The following WEE1 variants were observed in gnomAD, a reference collection of about 807,000 sequenced individuals.
WEE1 encodes the protein WEE1 G2 checkpoint kinase, also known as wee1-like protein kinase.
In WEE1, 16 loss-of-function variants were observed where a neutral mutation model predicts 68.8. The observed-to-expected ratio is 0.23, with a 90% CI of 0.16 to 0.35. The LOEUF is 0.35. WEE1 is among the 10% of genes least tolerant of loss of function. WEE1 has a pLI of 1.00. For synonymous variants in WEE1, 349 were observed against 318.7 expected, an observed-to-expected ratio of 1.09 and a Z score of -1.01; for missense variants, 651 against 824.1, an observed-to-expected ratio of 0.79 and a Z score of 2.57.
chr11:9,588,692 C>T lies in WEE1; in HGVS notation c.*90C>T, dbSNP rs553359817. On this transcript the variant is annotated 3_prime_UTR_variant, in exon 11 of 11. Transcript: ENST00000450114. ...AGAATCCAGTTTGCAATTACTTTCT[C>T]GATTGGTGTCAGTAGTTTTACTGAT... 1,408 of 1,394,470 alleles carry T rather than the reference C, an allele frequency of 1.0e-3. 1 individual carries two copies. Among genetic ancestry groups the T allele is most frequent in the Non-Finnish European group, 1.2e-3 (1,315 of 1,073,602 alleles). 86.4% of individuals were successfully genotyped at this position (1,394,470 alleles called of 1,614,324 possible).
At position 9,576,724 on chromosome 11, in the gene WEE1, C is replaced by T; in HGVS notation, c.1019+65C>T. The T allele has an allele frequency of 2.0e-6, 3 of 1,505,580 alleles. No individual in the cohort carries two copies. Among genetic ancestry groups the T allele is most frequent in the Non-Finnish European group, 2.7e-6 (3 of 1,119,450 alleles). The allele number at this position is 1,505,580 out of a possible 1,614,324, so 93.3% of individuals were successfully genotyped here. A position where few individuals can be genotyped will look rare whatever the true frequency, so the allele number is the denominator to read the frequency against. ...TATGGTGTTACTAACATTAAGGTTTCAGCTGGTCAAACACTGAATTCCATC... is the reference window on the plus strand; with the variant it reads ...TATGGTGTTACTAACATTAAGGTTTTAGCTGGTCAAACACTGAATTCCATC... On this transcript the variant is annotated intron_variant, in intron 4 of 10. Coordinates refer to ENST00000450114, the MANE Select transcript of WEE1 (RefSeq NM_003390.4). This position sits in a 1 kb window ranked among gnomAD's most constrained non-coding sequence, Gnocchi z 4.3.
Position 9,589,717 on chromosome 11 carries a change from A to G in WEE1, c.*1115A>G. The G allele has an allele frequency of 3.0e-6, 3 of 985,638 alleles. No individual in the cohort carries two copies. The highest frequency in any genetic ancestry group is 3.6e-6 in the Non-Finnish European group (3 of 829,764). 61.1% of individuals were successfully genotyped at this position (985,638 alleles called of 1,614,324 possible). On this transcript the variant is annotated 3_prime_UTR_variant, in exon 11 of 11. Transcript: ENST00000450114. ...CTTGTCTTTGACTTGTGTTTTATTA[A>G]CATTGATTGGCATATTAAAAGTCAC... is the stretch of plus-strand genomic sequence containing the variant.
chr11:9,581,813 C>A, intron 6 of WEE1, 135 bp downstream of exon 6: 2 of 862,380 alleles, frequency 2.3e-6, no homozygotes, highest in Non-Finnish European at 3.4e-6. Flanking sequence ...ATCCACTTAC[C>A]AATATTGTTT....
Position 9,586,782 on chromosome 11 carries a change from C to G in WEE1, c.1713C>G (p.Ser571=), listed in dbSNP as rs377274614. The G allele has an allele frequency of 6.2e-7, 1 of 1,613,832 alleles. No homozygotes were observed. The highest frequency in any genetic ancestry group is 8.5e-7 in the Non-Finnish European group (1 of 1,179,932). Residue 571 remains serine, a synonymous_variant, in exon 10 of 11, where the codon TCC becomes TCG. Coordinates refer to ENST00000450114, the MANE Select transcript of WEE1 (RefSeq NM_003390.4). ...MALVKHSVLL[S]ASRKSAEQLR... ...TGGTAAAGCATTCAGTATTGCTGTC[C>G]GCTTCTAGAAAGAGTGCAGAACAAT...
At chr11:9,578,577 A>G (rs1849588476) in intron 5 of WEE1, 1 of 152,238 alleles carries the variant, frequency 6.6e-6, no homozygotes, top group Non-Finnish European at 1.5e-5. Context: ...ACCTAGAACA[A>G]CTTGACCACA....
In WEE1 at chr11:9,574,726, A is replaced by C; in HGVS notation, c.576+217A>C. ...TGGGCCTCGTCTGGAACTTCATCTT[A>C]CAAAGGGGCCGATCGGCCCGTCCGG... is the stretch of plus-strand genomic sequence containing the variant. On this transcript the variant is annotated intron_variant, in intron 1 of 10. Coordinates refer to ENST00000450114, the MANE Select transcript of WEE1 (RefSeq NM_003390.4). This position sits in a 1 kb window ranked among gnomAD's most constrained non-coding sequence, Gnocchi z 4.9. 1.9e-6 allele frequency: 2 copies of C among 1,043,048 alleles called. No homozygotes were observed. The highest frequency in any genetic ancestry group is 2.3e-6 in the Non-Finnish European group (2 of 868,430). The allele number at this position is 1,043,048 out of a possible 1,614,324, so 64.6% of individuals were successfully genotyped here. A position where few individuals can be genotyped will look rare whatever the true frequency, so the allele number is the denominator to read the frequency against.
rs553377220 is a variant in WEE1, at chr11:9,589,683, A to T, written c.*1081A>T. The T allele has an allele frequency of 3.7e-5, 36 of 985,790 alleles. No individual in the cohort carries two copies. In the African/African-American group the frequency reaches 5.6e-4, roughly 15 times the overall value. 61.1% of individuals were successfully genotyped at this position (985,790 alleles called of 1,614,324 possible). On this transcript the variant is annotated 3_prime_UTR_variant, in exon 11 of 11. Coordinates refer to ENST00000450114, the MANE Select transcript of WEE1 (RefSeq NM_003390.4). Reference sequence around the variant, plus strand: ...TTTCTCATTAATTTTGGTCTAAAACATGTTTGCACTTGTCTTTGACTTGTG... The same window carrying T: ...TTTCTCATTAATTTTGGTCTAAAACTTGTTTGCACTTGTCTTTGACTTGTG...
At chr11:9,578,507 CT>C (rs995572137) in intron 5 of WEE1, 1 of 152,216 alleles carries the variant, frequency 6.6e-6, no homozygotes, top group African/African-American at 2.4e-5. Flanking sequence ...ATTTATGTAA[CT>C]ATCACAACCT....
Position 9,574,763 on chromosome 11 carries a change from T to A in WEE1, c.576+254T>A. The A allele has an allele frequency of 9.8e-7, 1 of 1,020,794 alleles. No homozygotes were observed. 63.2% of individuals were successfully genotyped at this position (1,020,794 alleles called of 1,614,324 possible). ...ATCGGCCCGTCCGGGTGGCCAAGGATTTGCCGCCCGTTGAGTCCGGGCCGC... is the reference window on the plus strand; with the variant it reads ...ATCGGCCCGTCCGGGTGGCCAAGGAATTGCCGCCCGTTGAGTCCGGGCCGC... On this transcript the variant is annotated intron_variant, in intron 1 of 10. Coordinates refer to ENST00000450114, the MANE Select transcript of WEE1 (RefSeq NM_003390.4). The surrounding 1 kb of genome is among the most constrained non-coding windows in gnomAD (Gnocchi z 4.9).
Position 9,573,906 on chromosome 11 carries a change from TGTCCTCGGCCCC to T in WEE1, c.-23_-12del. On this transcript the variant is annotated 5_prime_UTR_variant, in exon 1 of 11. Transcript: ENST00000450114. Reference sequence around the variant, plus strand: ...TGGACCCCGCAGGCCTCCGCTCTCCTGTCCTCGGCCCCGTCCCCAGGGCCGCGATGAGCTTCC... The same window carrying T: ...TGGACCCCGCAGGCCTCCGCTCTCCTGTCCCCAGGGCCGCGATGAGCTTCC... The T allele has an allele frequency of 8.1e-7, 1 of 1,235,962 alleles. No homozygotes were observed. Among genetic ancestry groups the T allele is most frequent in the Non-Finnish European group, 1.0e-6 (1 of 989,892 alleles). 76.6% of individuals were successfully genotyped at this position (1,235,962 alleles called of 1,614,324 possible). A position where few individuals can be genotyped will look rare whatever the true frequency, so the allele number is the denominator to read the frequency against.
In WEE1 at chr11:9,576,234, TGTG is replaced by T. The variant is rs904721229; in HGVS notation, c.791_793del (p.Gly264del). 12 of 1,528,134 alleles carry T rather than the reference TGTG, an allele frequency of 7.9e-6. No homozygotes were observed. In the African/African-American group the frequency reaches 1.4e-4, roughly 18 times the overall value. The allele number at this position is 1,528,134 out of a possible 1,614,324, so 94.7% of individuals were successfully genotyped here. ...GAAAAATAACATTTTTTTTAGTTCC[TGTG>T]GTGAAGACATGGAAGCCAGTGATTA... On this transcript the variant is annotated inframe_deletion, in exon 3 of 11. Coordinates refer to ENST00000450114, the MANE Select transcript of WEE1 (RefSeq NM_003390.4). The surrounding 1 kb of genome is among the most constrained non-coding windows in gnomAD (Gnocchi z 4.3).
At chr11:9,587,605 G>GA (rs757763051) in intron 10 of WEE1, among the ~76,000 whole-genome samples, 1 of 152,110 alleles carries the variant, frequency 6.6e-6, no homozygotes, top group Non-Finnish European at 1.5e-5. Context: ...TTTATATACT[G>GA]AATGAAGATT....
At position 9,574,737 on chromosome 11, in the gene WEE1, G is replaced by C; in HGVS notation, c.576+228G>C. The C allele has an allele frequency of 9.6e-7, 1 of 1,043,418 alleles. No homozygotes were observed. Among genetic ancestry groups the C allele is most frequent in the Non-Finnish European group, 1.2e-6 (1 of 868,478 alleles). The allele number at this position is 1,043,418 out of a possible 1,614,324, so 64.6% of individuals were successfully genotyped here. A position where few individuals can be genotyped will look rare whatever the true frequency, so the allele number is the denominator to read the frequency against. On this transcript the variant is annotated intron_variant, in intron 1 of 10. Coordinates refer to ENST00000450114, the MANE Select transcript of WEE1 (RefSeq NM_003390.4). The surrounding 1 kb of genome is among the most constrained non-coding windows in gnomAD (Gnocchi z 4.9). ...TGGAACTTCATCTTACAAAGGGGCC[G>C]ATCGGCCCGTCCGGGTGGCCAAGGA...
chr11:9,582,391 T>C (rs909241568), intron 6 of WEE1, among the ~76,000 whole-genome samples: 2 of 152,230 alleles, frequency 1.3e-5, no homozygotes, highest in Non-Finnish European at 2.9e-5. Flanking sequence ...AATTGGAAGT[T>C]ATAACTAAGG....
chr11:9,586,986 C>T, intron 10 of WEE1, 130 bp downstream of exon 10: 1 of 1,042,404 alleles, frequency 9.6e-7, no homozygotes, highest in Non-Finnish European at 1.4e-6. Flanking sequence ...TTTTTTGAGA[C>T]AGGGTCTCAC....
At position 9,576,034 on chromosome 11, in the gene WEE1, T is replaced by C. The variant is rs757788231; in HGVS notation, c.723T>C (p.Asp241=). Reference sequence around the variant, plus strand: ...TGAATATTAATCCTTTTACTCCGGATTCTTTGTTGCTTCATTCCTCAGGAC... The same window carrying C: ...TGAATATTAATCCTTTTACTCCGGACTCTTTGTTGCTTCATTCCTCAGGAC... ...PQVNINPFTP[D]SLLLHSSGQC... The change falls in exon 2 of 11, where the codon GAT becomes GAC. Residue 241 remains aspartate, a synonymous_variant. Coordinates refer to ENST00000450114, the MANE Select transcript of WEE1 (RefSeq NM_003390.4). This position sits in a 1 kb window ranked among gnomAD's most constrained non-coding sequence, Gnocchi z 4.3. 1.2e-6 allele frequency: 2 copies of C among 1,614,222 alleles called. No homozygotes were observed. The highest frequency in any genetic ancestry group is 8.5e-7 in the Non-Finnish European group (1 of 1,180,030).
chr11:9,574,236 C>T lies in WEE1; in HGVS notation c.303C>T (p.Gly101=). 2 of 1,194,458 alleles carry T rather than the reference C, an allele frequency of 1.7e-6. No homozygotes were observed. The highest frequency in any genetic ancestry group is 2.1e-6 in the Non-Finnish European group (2 of 962,534). 74.0% of individuals were successfully genotyped at this position (1,194,458 alleles called of 1,614,324 possible). Residue 101 remains glycine, a synonymous_variant, in exon 1 of 11, where the codon GGC becomes GGT. Coordinates refer to ENST00000450114, the MANE Select transcript of WEE1 (RefSeq NM_003390.4). The surrounding 1 kb of genome is among the most constrained non-coding windows in gnomAD (Gnocchi z 4.9). Reference sequence around the variant, plus strand: ...TGTTGCTGCCCGGCGCCTGCCCGGGCGCGGACGAGGCGGGCGGTGGGGCGG... The same window carrying T: ...TGTTGCTGCCCGGCGCCTGCCCGGGTGCGGACGAGGCGGGCGGTGGGGCGG... ...EDLLLPGACP[G]ADEAGGGAEG...
At position 9,589,258 on chromosome 11, in the gene WEE1, A is replaced by G. The variant is rs1049403; in HGVS notation, c.*656A>G. 155,397 of 983,994 alleles carry G rather than the reference A, an allele frequency of 0.16. 12,412 individuals are homozygous for G. Among genetic ancestry groups the G allele is most frequent in the East Asian group, 0.2 (1,794 of 8,780 alleles). The allele number at this position is 983,994 out of a possible 1,614,324, so 61.0% of individuals were successfully genotyped here. ...GTGAAATGTATAGCTGCTTTTGATGAAAAGCAGCTATTTGCCTTTTTTTTT... is the reference window on the plus strand; with the variant it reads ...GTGAAATGTATAGCTGCTTTTGATGGAAAGCAGCTATTTGCCTTTTTTTTT... On this transcript the variant is annotated 3_prime_UTR_variant, in exon 11 of 11. Transcript: ENST00000450114.
rs1483110460 is a variant in WEE1 at position 9,588,590 on chromosome 11, T to C, written c.1929T>C (p.Leu643=). 10 of 1,595,768 alleles carry C rather than the reference T, an allele frequency of 6.3e-6. No homozygotes were observed. The highest frequency in any genetic ancestry group is 1.8e-5 in the Admixed American group (1 of 54,916). The part of the protein sequence containing the change: ...IGKKMNRSVS[L]TIY ...AGAAAATGAACCGCTCTGTCAGCCT[T>C]ACTATATACTGAGCTACTCCTTTCC... The change falls in exon 11 of 11, where the codon CTT becomes CTC. Residue 643 remains leucine (L), a synonymous_variant. Coordinates refer to ENST00000450114, the MANE Select transcript of WEE1 (RefSeq NM_003390.4).
Sources: allele counts gnomAD v4.1 joint callset (sites outside exome capture counted in the v4.1 genomes callset), GRCh38; gene constraint gnomAD v4.1.1; non-coding constraint Gnocchi (gnomAD v3.1); transcripts MANE v1.5; gene names NCBI Gene and HGNC (gene_info 2026-07-23, HGNC 2026-07-21).